Variants in GRK5 observed in about 807,000 individuals in gnomAD.
GRK5 encodes the protein g protein-coupled receptor kinase GRK5.
Under a neutral mutation model 78.4 loss-of-function variants are expected in GRK5, and 40 were observed. The ratio of observed to expected loss-of-function variants is 0.51; its 90% confidence interval spans 0.40 to 0.66. The LOEUF is 0.66. Ranked by LOEUF, GRK5 falls within the 30% of genes least tolerant of loss-of-function variation. The pLI is 0.00. For synonymous variants in GRK5, 289 were observed against 296.8 expected (o/e 0.97, Z 0.27); for missense variants, 598 against 759.9 (o/e 0.79, Z 2.50).
chr10:119,359,964 G>A (rs73451623), intron 2 of GRK5, among the ~76,000 whole-genome samples: 38,511 of 151,486 alleles, frequency 0.25, 5,154 homozygotes, highest in East Asian at 0.37. Context: ...GGGGGCTTGA[G>A]GAGGCTGGGG....
chr10:119,316,358 G>A (rs1850486143), intron 1 of GRK5, among the ~76,000 whole-genome samples: 1 of 152,248 alleles, frequency 6.6e-6, no homozygotes, highest in Admixed American at 6.5e-5. Context: ...CTGGGCTGAA[G>A]GGTGCTGAAG....
chr10:119,375,630 G>A (rs1851611018), intron 2 of GRK5, among the ~76,000 whole-genome samples: 1 of 152,216 alleles, frequency 6.6e-6, no homozygotes. Flanking sequence ...CAAGTGTCTG[G>A]TACCTTGCTA....
intron 1 of GRK5, among the ~76,000 whole-genome samples, chr10:119,281,698 GGCCCCT>G (rs1406037404): frequency 2.0e-5 from 3 of 152,124 alleles, no homozygotes; most frequent in Non-Finnish European, 4.4e-5. Context: ...TCTTCTCTTG[GGCCCCT>G]GCCCATTTGG....
intron 1 of GRK5, among the ~76,000 whole-genome samples, chr10:119,276,313 A>G (rs539222804): frequency 1.3e-5 from 2 of 149,940 alleles, no homozygotes; most frequent in South Asian, 4.2e-4. Flanking sequence ...ATGTGTTCTC[A>G]TTGTTCAATT....
chr10:119,440,020 T>C (rs926384112), intron 10 of GRK5, among the ~76,000 whole-genome samples: 1 of 152,196 alleles, frequency 6.6e-6, no homozygotes, highest in East Asian at 1.9e-4. Context: ...GCTCTAAGTG[T>C]TAAAATAACT....
chr10:119,250,296 G>A (rs1413139883), intron 1 of GRK5, among the ~76,000 whole-genome samples: 1 of 152,172 alleles, frequency 6.6e-6, no homozygotes, highest in Non-Finnish European at 1.5e-5. Flanking sequence ...TGTAGGGTTT[G>A]AACTCAGTTG....
intron 1 of GRK5, among the ~76,000 whole-genome samples, chr10:119,214,721 T>C (rs1490491834): frequency 6.6e-6 from 1 of 152,178 alleles, no homozygotes; most frequent in African/African-American, 2.4e-5. Context: ...GGTTTCGCCC[T>C]GTTGCCCAGG....
chr10:119,452,578 C>CT lies in GRK5; in HGVS notation c.1405-92dup. On this transcript the variant is annotated intron_variant, in intron 13 of 15. Coordinates refer to ENST00000392870, the MANE Select transcript of GRK5 (RefSeq NM_005308.3). This position sits in a 1 kb window ranked among gnomAD's most constrained non-coding sequence, Gnocchi z 4.4. ...GTTCTGGGGGTGTGTCCTGGGAAGA[C>CT]TCCCTTCTGCTCCCCAAAACCCCAA... 1 of 1,463,910 alleles carries CT rather than the reference C, an allele frequency of 6.8e-7. No individual in the cohort carries two copies. Among genetic ancestry groups the CT allele is most frequent in the Non-Finnish European group, 9.4e-7 (1 of 1,065,496 alleles). The allele number at this position is 1,463,910 out of a possible 1,614,324, so 90.7% of individuals were successfully genotyped here.
At chr10:119,450,311 G>A (rs7896882) in intron 13 of GRK5, among the ~76,000 whole-genome samples, 25,415 of 152,148 alleles carry the variant, frequency 0.17, 2,515 homozygotes, top group East Asian at 0.31. Flanking sequence ...TCGCATTGGA[G>A]CTATTCCTCT....
intron 1 of GRK5, among the ~76,000 whole-genome samples, chr10:119,303,935 A>T (rs1300892045): frequency 6.6e-6 from 1 of 152,094 alleles, no homozygotes; most frequent in African/African-American, 2.4e-5. Flanking sequence ...TGGTGTCCCT[A>T]CAGCCAGACT....
intron 1 of GRK5, among the ~76,000 whole-genome samples, chr10:119,237,654 G>T (rs1236321939): frequency 6.6e-6 from 1 of 152,144 alleles, no homozygotes; most frequent in African/African-American, 2.4e-5. Context: ...AGTATTCAGG[G>T]GCTTGAAGGC....
At chr10:119,369,921 C>G (rs765043554) in intron 2 of GRK5, among the ~76,000 whole-genome samples, 2 of 152,158 alleles carry the variant, frequency 1.3e-5, no homozygotes, top group Non-Finnish European at 2.9e-5. Context: ...CTCCGTTTAC[C>G]CAGCCAGTTC....
chr10:119,311,955 G>A (rs1330468378), intron 1 of GRK5, among the ~76,000 whole-genome samples: 3 of 132,992 alleles, frequency 2.3e-5, no homozygotes, highest in African/African-American at 2.9e-5. Flanking sequence ...TCACTCTGTC[G>A]CCCAGGCTGG....
At chr10:119,258,361 G>C (rs939105490) in intron 1 of GRK5, among the ~76,000 whole-genome samples, 2 of 152,134 alleles carry the variant, frequency 1.3e-5, no homozygotes, top group Admixed American at 1.3e-4. Context: ...CCAATTTTTG[G>C]TGATTATGAA....
At chr10:119,324,865 G>A (rs1165743185) in intron 1 of GRK5, among the ~76,000 whole-genome samples, 1 of 152,278 alleles carries the variant, frequency 6.6e-6, no homozygotes, top group East Asian at 1.9e-4. Flanking sequence ...ATAATGTACA[G>A]GTGGAGCCTC....
chr10:119,319,052 C>T (rs767691828), intron 1 of GRK5, among the ~76,000 whole-genome samples: 51 of 152,212 alleles, frequency 3.4e-4, no homozygotes, highest in Non-Finnish European at 6.2e-4. Flanking sequence ...TGCCTTCCAT[C>T]AGGCACTCCT....
intron 2 of GRK5, among the ~76,000 whole-genome samples, chr10:119,349,532 A>C (rs767332976): frequency 2.0e-5 from 3 of 152,180 alleles, no homozygotes; most frequent in Non-Finnish European, 4.4e-5. Context: ...GGGGGTCTCC[A>C]TGGGCACCAG....
chr10:119,328,063 T>A (rs1013636155), intron 2 of GRK5, among the ~76,000 whole-genome samples: 3 of 151,610 alleles, frequency 2.0e-5, no homozygotes, highest in African/African-American at 7.3e-5. Flanking sequence ...GGTGGTGGAG[T>A]GGGTGAGATG....
At chr10:119,449,680 C>T (rs7924010) in intron 13 of GRK5, among the ~76,000 whole-genome samples, 25,942 of 151,962 alleles carry the variant, frequency 0.17, 2,631 homozygotes, top group East Asian at 0.31. Flanking sequence ...TCCCAGCTAC[C>T]TGGGAGGCTG....
Sources: gnomAD v4.1 joint callset for allele counts (sites outside exome capture counted in the v4.1 genomes callset) on GRCh38, gnomAD v4.1.1 for gene constraint, Gnocchi (gnomAD v3.1) non-coding constraint, MANE v1.5 for transcripts, NCBI Gene and HGNC (gene_info 2026-07-23, HGNC 2026-07-21) for gene names.